The following PRKN variants were observed in gnomAD, a reference collection of about 807,000 sequenced individuals.
PRKN encodes E3 ubiquitin-protein ligase parkin.
PRKN carries 56 observed loss-of-function variants against 59.5 expected under a neutral mutation model. The observed-to-expected ratio is 0.94, with a 90% CI of 0.76 to 1.18. PRKN has a LOEUF of 1.18. PRKN is among the 50% of genes most tolerant of loss of function. The pLI, the probability that PRKN is intolerant of heterozygous loss-of-function variation, is 0.00. For synonymous variants in PRKN, 250 were observed against 222.1 expected (o/e 1.13, Z -1.12); for missense variants, 657 against 596.4 (o/e 1.10, Z -1.06).
intron 7 of PRKN, among the ~76,000 whole-genome samples, chr6:161,680,705 C>T (rs549109154): frequency 7.7e-6 from 1 of 130,278 alleles, no homozygotes; most frequent in East Asian, 2.2e-4. Flanking sequence ...AATGCTTGGG[C>T]TCTGAAAACA....
At chr6:161,944,643 C>T (rs2128244326) in intron 6 of PRKN, among the ~76,000 whole-genome samples, 1 of 152,264 alleles carries the variant, frequency 6.6e-6, no homozygotes, top group Admixed American at 6.5e-5. Flanking sequence ...ACAGTGTCTG[C>T]TAAGAAGGCG....
chr6:162,205,827 A>G (rs958536051), intron 3 of PRKN, among the ~76,000 whole-genome samples: 1 of 151,988 alleles, frequency 6.6e-6, no homozygotes, highest in Non-Finnish European at 1.5e-5. Flanking sequence ...GTGAGGAATT[A>G]CTCTCTGAGT....
chr6:161,568,100 G>C (rs1000766424), intron 8 of PRKN, among the ~76,000 whole-genome samples: 1 of 152,224 alleles, frequency 6.6e-6, no homozygotes, highest in Non-Finnish European at 1.5e-5. Context: ...GGATGTGGCA[G>C]TGATTCCAGT....
intron 2 of PRKN, among the ~76,000 whole-genome samples, chr6:162,353,405 T>A (rs761110724): frequency 9.2e-5 from 14 of 152,172 alleles, no homozygotes; most frequent in Non-Finnish European, 1.9e-4. Context: ...CAGCTATTCT[T>A]TCACATATAT....
In PRKN at chr6:161,638,738, A is replaced by ATTTTTTTTTTTTT. The variant is rs386409169; in HGVS notation, c.872-69335_872-69323dup. 4.9e-4 allele frequency among the ~76,000 whole-genome samples: 49 copies of ATTTTTTTTTTTTT among 100,176 alleles called. 3 individuals are homozygous for ATTTTTTTTTTTTT. The highest frequency in any genetic ancestry group is 1.4e-3 in the East Asian group (5 of 3,576). The allele number at this position is 100,176 out of a possible 152,430, so 65.7% of individuals were successfully genotyped here. On this transcript the variant is annotated intron_variant, in intron 7 of 11. Coordinates refer to ENST00000366898, the MANE Select transcript of PRKN (RefSeq NM_004562.3). ...AGTGAGTGAGTTCTCACGAGATCTG[A>ATTTTTTTTTTTTT]TTTTTTTTTTTTTTTTTTTTTGAGA...
chr6:161,701,490 C>T (rs1456073290), intron 7 of PRKN, among the ~76,000 whole-genome samples: 1 of 152,140 alleles, frequency 6.6e-6, no homozygotes, highest in Non-Finnish European at 1.5e-5. Context: ...ACAACCAATT[C>T]ATATAAATTT....
intron 2 of PRKN, among the ~76,000 whole-genome samples, chr6:162,377,020 T>C (rs1786142706): frequency 6.6e-6 from 1 of 151,958 alleles, no homozygotes; most frequent in South Asian, 2.1e-4. Context: ...AGTGCCCACT[T>C]AGCAGGAACC....
At chr6:162,258,045 CA>C (rs1471953414) in intron 3 of PRKN, among the ~76,000 whole-genome samples, 1 of 152,150 alleles carries the variant, frequency 6.6e-6, no homozygotes, top group East Asian at 1.9e-4. Context: ...GCCTGGGGCT[CA>C]CGAGTTGCTG....
intron 1 of PRKN, among the ~76,000 whole-genome samples, chr6:162,649,462 T>C (rs769865016): frequency 4.6e-5 from 7 of 152,146 alleles, no homozygotes; most frequent in Admixed American, 2.0e-4. Flanking sequence ...TCTAAGTCTC[T>C]AGTGAAACTG....
intron 2 of PRKN, among the ~76,000 whole-genome samples, chr6:162,342,801 T>C (rs1324926459): frequency 6.6e-6 from 1 of 152,166 alleles, no homozygotes; most frequent in Admixed American, 6.6e-5. Context: ...AAAAATATTA[T>C]TAATGATTAC....
intron 7 of PRKN, among the ~76,000 whole-genome samples, chr6:161,735,269 G>A (rs1787916613): frequency 6.6e-6 from 1 of 152,046 alleles, no homozygotes; most frequent in African/African-American, 2.4e-5. Context: ...GAGACAGCAA[G>A]ACTAACCTCT....
intron 5 of PRKN, among the ~76,000 whole-genome samples, chr6:161,976,570 A>G (rs1453500387): frequency 1.3e-5 from 2 of 152,188 alleles, no homozygotes; most frequent in Non-Finnish European, 2.9e-5. Context: ...CTTTTACTCA[A>G]TCTTTTGAAA....
At chr6:161,675,771 A>G (rs114803251) in intron 7 of PRKN, among the ~76,000 whole-genome samples, 2,542 of 152,330 alleles carry the variant, frequency 0.017, 76 homozygotes, top group African/African-American at 0.057. Context: ...TCCTCAAGGA[A>G]TTACAAAGGA....
intron 6 of PRKN, among the ~76,000 whole-genome samples, chr6:161,927,445 CTAGAA>C (rs1583357019): frequency 6.6e-6 from 1 of 151,834 alleles, no homozygotes; most frequent in Non-Finnish European, 1.5e-5. Context: ...ACACTTATAA[CTAGAA>C]TAGAAGAAAA....
intron 6 of PRKN, among the ~76,000 whole-genome samples, chr6:161,793,790 A>G (rs921012969): frequency 6.6e-6 from 1 of 152,284 alleles, no homozygotes; most frequent in East Asian, 1.9e-4. Context: ...TCCTGTTTAT[A>G]AAGGTTTTTA....
chr6:161,856,504 C>T (rs1283789023), intron 6 of PRKN, among the ~76,000 whole-genome samples: 1 of 152,000 alleles, frequency 6.6e-6, no homozygotes, highest in African/African-American at 2.4e-5. Context: ...AAATTTATAA[C>T]ATCATATTTC....
chr6:162,333,523 TAA>T (rs1783686875), intron 2 of PRKN, among the ~76,000 whole-genome samples: 2 of 152,178 alleles, frequency 1.3e-5, no homozygotes, highest in African/African-American at 4.8e-5. Flanking sequence ...ATCACTGACA[TAA>T]ATATCGTCTA....
At chr6:162,305,164 A>C (rs1782163405) in intron 2 of PRKN, among the ~76,000 whole-genome samples, 3 of 152,170 alleles carry the variant, frequency 2.0e-5, no homozygotes, top group African/African-American at 7.2e-5. Context: ...GAAGGAAAAC[A>C]CTACATCTTA....
At chr6:162,682,169 C>T (rs1400822594) in intron 1 of PRKN, among the ~76,000 whole-genome samples, 1 of 151,946 alleles carries the variant, frequency 6.6e-6, no homozygotes, top group East Asian at 1.9e-4. Flanking sequence ...CATACAAGTG[C>T]ATATAGTAGT....
Sources: allele counts gnomAD v4.1 joint callset (sites outside exome capture counted in the v4.1 genomes callset), GRCh38; gene constraint gnomAD v4.1.1; transcripts MANE v1.5; gene names NCBI Gene and HGNC (gene_info 2026-07-23, HGNC 2026-07-21).